L3MBTL4: variants seen among roughly 807,000 people sequenced by gnomAD.
L3MBTL4 encodes L3MBTL histone methyl-lysine binding protein 4.
A neutral mutation model predicts 84.5 loss-of-function variants in L3MBTL4; 70 were observed. The ratio of observed to expected loss-of-function variants is 0.83; its 90% CI spans 0.68 to 1.01. The LOEUF (loss-of-function observed/expected upper bound fraction) is 1.01. L3MBTL4 is among the 50% of genes least tolerant of loss of function. L3MBTL4 has a pLI of 0.00. For synonymous variants in L3MBTL4, 274 were observed against 259.8 expected (o/e 1.05, Z -0.52); for missense variants, 715 against 754.8 (o/e 0.95, Z 0.62).
chr18:6,168,398 G>A (rs1453756026), intron 13 of L3MBTL4, among the ~76,000 whole-genome samples: 5 of 151,930 alleles, frequency 3.3e-5, no homozygotes, highest in Admixed American at 2.6e-4. Context: ...GAACAAAGCT[G>A]GAGGCATCAC....
At chr18:6,247,404 C>T (rs1332826232) in intron 5 of L3MBTL4, among the ~76,000 whole-genome samples, 4 of 149,602 alleles carry the variant, frequency 2.7e-5, no homozygotes, top group Non-Finnish European at 4.4e-5. Context: ...TTTTCCCATA[C>T]TGTGTCATTG....
intron 4 of L3MBTL4, among the ~76,000 whole-genome samples, chr18:6,284,299 TCACCA>T (rs2049458667): frequency 1.3e-5 from 2 of 152,136 alleles, no homozygotes; most frequent in Non-Finnish European, 2.9e-5. Flanking sequence ...CAAAGCCACA[TCACCA>T]ATTCCTATCT....
At chr18:6,021,061 T>A (rs1183494245) in intron 16 of L3MBTL4, among the ~76,000 whole-genome samples, 3 of 152,220 alleles carry the variant, frequency 2.0e-5, no homozygotes, top group Admixed American at 6.5e-5. Flanking sequence ...TCTAGGATGA[T>A]GTCTGGGAAG....
intron 4 of L3MBTL4, among the ~76,000 whole-genome samples, chr18:6,264,964 G>A (rs140046369): frequency 9.9e-4 from 150 of 152,278 alleles, no homozygotes; most frequent in African/African-American, 3.4e-3. Context: ...AATTAAACGC[G>A]TTACATGGAC....
At chr18:6,248,090 T>G (rs2047760917) in intron 5 of L3MBTL4, among the ~76,000 whole-genome samples, 1 of 152,144 alleles carries the variant, frequency 6.6e-6, no homozygotes, top group Non-Finnish European at 1.5e-5. Flanking sequence ...AAATCATAAG[T>G]TCAAACAGAT....
At chr18:6,076,683 A>G (rs2143088478) in intron 16 of L3MBTL4, among the ~76,000 whole-genome samples, 1 of 152,322 alleles carries the variant, frequency 6.6e-6, no homozygotes, top group East Asian at 1.9e-4. Flanking sequence ...GGTAAAAAAA[A>G]ATGTGAATTA....
At chr18:6,012,796 C>G (rs1376772207) in intron 16 of L3MBTL4, among the ~76,000 whole-genome samples, 1 of 152,090 alleles carries the variant, frequency 6.6e-6, no homozygotes, top group Admixed American at 6.6e-5. Flanking sequence ...AATAAACGAA[C>G]AAAAACTCTG....
chr18:6,107,309 TC>T (rs1598768115), intron 14 of L3MBTL4, among the ~76,000 whole-genome samples: 1 of 152,086 alleles, frequency 6.6e-6, no homozygotes, highest in East Asian at 1.9e-4. Flanking sequence ...GAAGGACCCT[TC>T]CTTGTGATGG....
At chr18:6,286,678 A>C (rs1052182437) in intron 4 of L3MBTL4, among the ~76,000 whole-genome samples, 1 of 152,188 alleles carries the variant, frequency 6.6e-6, no homozygotes, top group Non-Finnish European at 1.5e-5. Context: ...GTCAGAAGCA[A>C]GGTTCCAAAG....
chr18:6,141,460 C>T (rs1207924448), intron 13 of L3MBTL4, among the ~76,000 whole-genome samples: 1 of 152,114 alleles, frequency 6.6e-6, no homozygotes, highest in African/African-American at 2.4e-5. Context: ...GTAGTTATTT[C>T]TTAAAGTCAT....
chr18:5,955,285 A>AG lies in L3MBTL4; in HGVS notation c.*934_*935insC, dbSNP rs2095220840. On this transcript the variant is annotated 3_prime_UTR_variant, in exon 19 of 19. Transcript: ENST00000317931. ...CCTACTTTAGAGATCTTCCCTTTGAATAGTGTGTCTCCATTTGTAAAGATG... is the reference window on the plus strand; with the variant it reads ...CCTACTTTAGAGATCTTCCCTTTGAAGTAGTGTGTCTCCATTTGTAAAGATG... 6.6e-6 allele frequency: 1 copy of AG among 152,276 alleles called. No homozygotes were observed. The highest frequency in any genetic ancestry group is 2.4e-5 in the African/African-American group (1 of 41,476). 9.4% of individuals were successfully genotyped at this position (152,276 alleles called of 1,614,324 possible).
At chr18:6,195,474 G>A (rs1001903922) in intron 12 of L3MBTL4, among the ~76,000 whole-genome samples, 4 of 152,104 alleles carry the variant, frequency 2.6e-5, no homozygotes, top group South Asian at 2.1e-4. Context: ...TGTGGCTCGC[G>A]GAAGCTGCAG....
intron 14 of L3MBTL4, among the ~76,000 whole-genome samples, chr18:6,113,570 G>A (rs2059264390): frequency 6.6e-6 from 1 of 151,654 alleles, no homozygotes. Context: ...TGATGTGACA[G>A]TGGCTCCTGT....
At chr18:6,258,658 G>A (rs2146319638) in intron 5 of L3MBTL4, 1 of 152,372 alleles carries the variant, frequency 6.6e-6, no homozygotes, top group Admixed American at 6.5e-5. Flanking sequence ...TTGCAGAGGA[G>A]GTTCAACTGT....
At chr18:6,236,979 T>C (rs1483404862) in intron 10 of L3MBTL4, among the ~76,000 whole-genome samples, 2 of 152,232 alleles carry the variant, frequency 1.3e-5, no homozygotes, top group Non-Finnish European at 2.9e-5. Flanking sequence ...CATTTCTTTC[T>C]GTACATTTTT....
At position 6,097,268 on chromosome 18, in the gene L3MBTL4, T is replaced by C. The variant is rs539680738; in HGVS notation, c.1200-3740A>G. Among the ~76,000 whole-genome samples the C allele has an allele frequency of 1.8e-4, 27 of 152,302 alleles. No individual in the cohort carries two copies. In the East Asian group the frequency reaches 5.0e-3, roughly 28 times the overall value. On this transcript the variant is annotated intron_variant, in intron 14 of 18. Transcript: ENST00000317931. ...AGAAAAATGTTTTGACAGATACAAG[T>C]AGTCCTCTTTCTTTATAATGGAAGG... is the stretch of plus-strand genomic sequence containing the variant.
intron 1 of L3MBTL4, among the ~76,000 whole-genome samples, chr18:6,323,322 A>G (rs2051524418): frequency 6.6e-6 from 1 of 152,230 alleles, no homozygotes; most frequent in Non-Finnish European, 1.5e-5. Flanking sequence ...GAACTGGATA[A>G]CAGGCAGAGG....
chr18:6,267,955 T>C (rs2048705694), intron 4 of L3MBTL4, among the ~76,000 whole-genome samples: 1 of 152,208 alleles, frequency 6.6e-6, no homozygotes, highest in Non-Finnish European at 1.5e-5. Flanking sequence ...CACCTCTGTT[T>C]CTCACCATGT....
intron 18 of L3MBTL4, among the ~76,000 whole-genome samples, chr18:5,957,165 A>G (rs1191983759): frequency 6.6e-6 from 1 of 152,228 alleles, no homozygotes; most frequent in Admixed American, 6.5e-5. Flanking sequence ...AAAAATACAC[A>G]TAAAATAAAT....
Sources: gnomAD v4.1 joint callset for allele counts (sites outside exome capture counted in the v4.1 genomes callset) on GRCh38, gnomAD v4.1.1 for gene constraint, MANE v1.5 for transcripts, NCBI Gene and HGNC (gene_info 2026-07-23, HGNC 2026-07-21) for gene names.